Variants in VWA5B2 observed in about 807,000 individuals in gnomAD.
VWA5B2 encodes von Willebrand factor A domain-containing protein 5B2.
Under a neutral mutation model 118.5 loss-of-function variants are expected in VWA5B2, and 93 were observed. The observed-to-expected ratio is 0.79, with a 90% CI of 0.66 to 0.93. The LOEUF is 0.93. Ranked by LOEUF, VWA5B2 falls within the 40% of genes least tolerant of loss-of-function variation. The probability of loss-of-function intolerance (pLI) is 0.00; values close to 1 mark genes in which losing one functional copy is unlikely to be tolerated. For missense variants in VWA5B2, 1,546 were observed against 1,672.8 expected, an observed-to-expected ratio of 0.92 and a Z score of 1.32; for synonymous variants, 708 against 716.3, an observed-to-expected ratio of 0.99 and a Z score of 0.19.
Position 184,236,532 on chromosome 3 carries a change from T to G in VWA5B2, c.1402T>G (p.Trp468Gly), listed in dbSNP as rs1376858057. The change falls in exon 10 of 20, where the codon TGG becomes GGG. Residue 468 changes from tryptophan to glycine, a missense_variant. Trp to Gly is a radical substitution (Grantham distance 184). Coordinates refer to ENST00000691901, the MANE Select transcript of VWA5B2 (RefSeq NM_001390846.1). ...TTHRTLELMR[W>G]HRGTARCFSF... ...CCACCGAACCCTGGAGCTCATGAGG[T>G]GGCACAGGGGGACAGCCAGGTATGG... 1 of 1,550,198 alleles carries G rather than the reference T, an allele frequency of 6.5e-7. No individual in the cohort carries two copies. Among genetic ancestry groups the G allele is most frequent in the Admixed American group, 2.0e-5 (1 of 51,002 alleles).
rs962886934 is a variant in VWA5B2, at chr3:184,236,503, C to G, written c.1373C>G (p.Thr458Ser). Residue 458 changes from threonine to serine, a missense_variant, in exon 10 of 20, where the codon ACT becomes AGT. Physicochemically the swap from Thr to Ser is moderately conservative, Grantham distance 58 (BLOSUM62 1). This residue lies in a region of VWA5B2 where 775 missense variants were observed against 882.3 expected (regional missense o/e 0.88). Transcript: ENST00000691901. ...LLTAASPMAA[T>S]THRTLELMRW... is the part of the protein sequence containing the mutation. ...ACTGCTGCCTCACCCATGGCCGCCACTACCCACCGAACCCTGGAGCTCATG... is the reference window on the plus strand; with the variant it reads ...ACTGCTGCCTCACCCATGGCCGCCAGTACCCACCGAACCCTGGAGCTCATG... 2 of 1,548,294 alleles carry G rather than the reference C, an allele frequency of 1.3e-6. No homozygotes were observed. The highest frequency in any genetic ancestry group is 2.7e-5 in the African/African-American group (2 of 73,058).
intron 16 of VWA5B2, chr3:184,240,583 G>C (rs1433171015): frequency 4.6e-6 from 3 of 655,702 alleles, no homozygotes; most frequent in African/African-American, 3.6e-5. Context: ...GCAGCCAGGG[G>C]GCTCTTGCTC....
intron 3 of VWA5B2, among the ~76,000 whole-genome samples, chr3:184,231,831 T>G (rs1717426983): frequency 6.6e-6 from 1 of 152,076 alleles, no homozygotes; most frequent in South Asian, 2.1e-4. Context: ...AATCCAGTGG[T>G]GTTGAGAGCT....
rs924332493 is a variant in VWA5B2 at position 184,230,970 on chromosome 3, C to G, written c.310+53C>G. On this transcript the variant is annotated intron_variant, in intron 3 of 19. Transcript: ENST00000691901. ...TCCTGAAAGCCGGGCGCAGCTCAGG[C>G]TCCCGCATCCGCTCGGCCTCCGCCC... 1.4e-5 allele frequency: 17 copies of G among 1,206,982 alleles called. No homozygotes were observed. In the African/African-American group the frequency reaches 2.5e-4, roughly 18 times the overall value. 74.8% of individuals were successfully genotyped at this position (1,206,982 alleles called of 1,614,324 possible). A position where few individuals can be genotyped will look rare whatever the true frequency, so the allele number is the denominator to read the frequency against.
In VWA5B2 at chr3:184,239,645, C is replaced by T. The variant is rs1718356241; in HGVS notation, c.2393-44C>T. On this transcript the variant is annotated intron_variant, in intron 15 of 19. Coordinates refer to ENST00000691901, the MANE Select transcript of VWA5B2 (RefSeq NM_001390846.1). This position sits in a 1 kb window ranked among gnomAD's most constrained non-coding sequence, Gnocchi z 5.1. ...AAAGAGGCCTTGGGGAGGTAAAGCCCAGAGGACCACTCTGCCCATGCCCCT... is the reference window on the plus strand; with the variant it reads ...AAAGAGGCCTTGGGGAGGTAAAGCCTAGAGGACCACTCTGCCCATGCCCCT... 1 of 1,471,678 alleles carries T rather than the reference C, an allele frequency of 6.8e-7. No homozygotes were observed. The highest frequency in any genetic ancestry group is 9.1e-7 in the Non-Finnish European group (1 of 1,103,914). 91.2% of individuals were successfully genotyped at this position (1,471,678 alleles called of 1,614,324 possible).
chr3:184,230,856 C>A lies in VWA5B2; in HGVS notation c.249C>A (p.Ala83=). Residue 83 remains alanine (A), a synonymous_variant, in exon 3 of 20, where the codon GCC becomes GCA. Transcript: ENST00000691901. ...FQLQSRRRSQ[A]ACCRALGPGL... ...TGCAGAGCCGGCGCCGCTCGCAGGC[C>A]GCCTGCTGCCGCGCTCTGGGCCCGG... 2 of 1,241,910 alleles carry A rather than the reference C, an allele frequency of 1.6e-6. No individual in the cohort carries two copies. Among genetic ancestry groups the A allele is most frequent in the Non-Finnish European group, 2.0e-6 (2 of 993,636 alleles). 76.9% of individuals were successfully genotyped at this position (1,241,910 alleles called of 1,614,324 possible). A position where few individuals can be genotyped will look rare whatever the true frequency, so the allele number is the denominator to read the frequency against.
chr3:184,233,302 C>A lies in VWA5B2; in HGVS notation c.435C>A (p.Asp145Glu). ...GCCGGGAGCTGCCCTCAAGGCCTGA[C>A]GGGGTGCTGCATGTGGCCCTGCCCA... ...HSSRELPSRP[D>E]GVLHVALPTV... Residue 145 changes from aspartate to glutamate, a missense_variant, in exon 4 of 20, where the codon GAC becomes GAA. This residue lies in a region of VWA5B2 where 775 missense variants were observed against 882.3 expected (regional missense o/e 0.88). Transcript: ENST00000691901. The surrounding 1 kb of genome is among the most constrained non-coding windows in gnomAD (Gnocchi z 5.2). The A allele has an allele frequency of 6.5e-7, 1 of 1,537,292 alleles. No individual in the cohort carries two copies. Among genetic ancestry groups the A allele is most frequent in the East Asian group, 2.4e-5 (1 of 40,846 alleles).
intron 3 of VWA5B2, among the ~76,000 whole-genome samples, chr3:184,232,068 C>T (rs1278229799): frequency 6.6e-6 from 1 of 152,142 alleles, no homozygotes; most frequent in African/African-American, 2.4e-5. Flanking sequence ...TTACAGTTTA[C>T]AATCGCTAGT....
chr3:184,238,832 C>G lies in VWA5B2; in HGVS notation c.2161C>G (p.Arg721Gly), dbSNP rs543974000. The change falls in exon 14 of 20, where the codon CGC (arginine) becomes GGC (glycine). Residue 721 changes from arginine to glycine, a missense_variant. Around this residue, in one of 3 missense-constraint regions of VWA5B2, gnomAD observed 763 missense variants for 766.6 expected, o/e 1.00. Coordinates refer to ENST00000691901, the MANE Select transcript of VWA5B2 (RefSeq NM_001390846.1). This position sits in a 1 kb window ranked among gnomAD's most constrained non-coding sequence, Gnocchi z 5.0. ...SLAWGEPAGS[R>G]SCPLPAPTPA... Reference sequence around the variant, plus strand: ...GGCCTGGGGAGAACCTGCAGGCTCCCGCTCCTGTCCCCTGCCTGCACCCAC... The same window carrying G: ...GGCCTGGGGAGAACCTGCAGGCTCCGGCTCCTGTCCCCTGCCTGCACCCAC... 5.2e-6 allele frequency: 8 copies of G among 1,528,240 alleles called. No homozygotes were observed. The East Asian group carries it at 1.5e-4, about 28-fold the overall frequency. 94.7% of individuals were successfully genotyped at this position (1,528,240 alleles called of 1,614,324 possible).
rs1478624494 is a variant in VWA5B2 at position 184,236,265 on chromosome 3, G to A, written c.1212+3G>A. 7 of 1,551,798 alleles carry A rather than the reference G, an allele frequency of 4.5e-6. No homozygotes were observed. The highest frequency in any genetic ancestry group is 6.1e-6 in the Non-Finnish European group (7 of 1,147,002). On this transcript the variant is annotated splice_donor_region_variant and intron_variant, in intron 9 of 19. Transcript: ENST00000691901. The stretch of plus-strand genomic sequence containing the variant: ...CAGAGAGCCGGCCTTGCAGTGATGT[G>A]AGTGTGGTCCAGGGATCTGGGGGCC...
rs773771607 is a variant in VWA5B2 at position 184,233,856 on chromosome 3, T to G, written c.688+123T>G. 1.1e-4 allele frequency: 141 copies of G among 1,340,960 alleles called. No individual in the cohort carries two copies. The highest frequency in any genetic ancestry group is 1.3e-4 in the Non-Finnish European group (133 of 999,802). The allele number at this position is 1,340,960 out of a possible 1,614,324, so 83.1% of individuals were successfully genotyped here. A position where few individuals can be genotyped will look rare whatever the true frequency, so the allele number is the denominator to read the frequency against. ...GGACAAAAAGACAGGGACCCCAGCCTCCGGAACATCTGGGTTAGTGGTGGG... is the reference window on the plus strand; with the variant it reads ...GGACAAAAAGACAGGGACCCCAGCCGCCGGAACATCTGGGTTAGTGGTGGG... On this transcript the variant is annotated intron_variant, in intron 5 of 19. Coordinates refer to ENST00000691901, the MANE Select transcript of VWA5B2 (RefSeq NM_001390846.1). This position sits in a 1 kb window ranked among gnomAD's most constrained non-coding sequence, Gnocchi z 5.2.
rs1169030461 is a variant in VWA5B2 at position 184,240,801 on chromosome 3, G to T, written c.2751G>T (p.Arg917=). 2.6e-6 allele frequency: 4 copies of T among 1,551,090 alleles called. No homozygotes were observed. The highest frequency in any genetic ancestry group is 3.5e-6 in the Non-Finnish European group (4 of 1,146,976). ...AETTADRGHA[R]RCWLRALQTS... Reference sequence around the variant, plus strand: ...TCCTTGGTTCCACAGGCCATGCCCGGAGGTGCTGGCTTCGAGCCCTTCAGA... The same window carrying T: ...TCCTTGGTTCCACAGGCCATGCCCGTAGGTGCTGGCTTCGAGCCCTTCAGA... The change falls in exon 17 of 20, where the codon CGG becomes CGT. Residue 917 remains arginine, a synonymous_variant. Transcript: ENST00000691901.
In VWA5B2 at chr3:184,230,561, G is replaced by A. The variant is rs1717275723; in HGVS notation, c.33G>A (p.Thr11=). 1.1e-5 allele frequency: 16 copies of A among 1,479,758 alleles called. No homozygotes were observed. The highest frequency in any genetic ancestry group is 1.3e-5 in the Non-Finnish European group (15 of 1,123,218). 91.7% of individuals were successfully genotyped at this position (1,479,758 alleles called of 1,614,324 possible). A position where few individuals can be genotyped will look rare whatever the true frequency, so the allele number is the denominator to read the frequency against. Residue 11 remains threonine, a synonymous_variant, in exon 2 of 20, where the codon ACG becomes ACA. Coordinates refer to ENST00000691901, the MANE Select transcript of VWA5B2 (RefSeq NM_001390846.1). MPGLYCPSSW[T]PLPLTDSWVR... ...GCCTGTACTGCCCCTCCAGCTGGAC[G>A]CCGCTGCCGCTCACGGACTCCTGGG...
chr3:184,239,958 C>T lies in VWA5B2; in HGVS notation c.2662C>T (p.Arg888Trp), dbSNP rs1006124086. 8 of 1,550,900 alleles carry T rather than the reference C, an allele frequency of 5.2e-6. No individual in the cohort carries two copies. Among genetic ancestry groups the T allele is most frequent in the South Asian group, 2.4e-5 (2 of 84,058 alleles). The change falls in exon 16 of 20, where the codon CGG becomes TGG. Residue 888 changes from arginine to tryptophan, a missense_variant. By Grantham distance (101) the Arg-to-Trp change is moderately radical. This residue lies in a region of VWA5B2 where 763 missense variants were observed against 766.6 expected (regional missense o/e 1.00). Transcript: ENST00000691901. This position sits in a 1 kb window ranked among gnomAD's most constrained non-coding sequence, Gnocchi z 5.1. ...AGCTGCTTGGGACCAAGCACTCCAT[C>T]GGCTGACAGCAGCCTCTGTGGTCCG... ...REAAWDQALHRLTAASVVRDN... is the reference protein window; with the variant it reads ...REAAWDQALHWLTAASVVRDN...
rs746947709 is a variant in VWA5B2, at chr3:184,242,028, C to A, written c.3719C>A (p.Ala1240Glu). ...LQLHLLCYSP[A>E]NV ...CTACACCTGCTGTGCTACAGCCCAGCGAACGTGTGAAGGCTGCCCCCTGCT... is the reference window on the plus strand; with the variant it reads ...CTACACCTGCTGTGCTACAGCCCAGAGAACGTGTGAAGGCTGCCCCCTGCT... The change falls in exon 20 of 20, where the codon GCG becomes GAG. Residue 1240 changes from alanine to glutamate, a missense_variant. Ala to Glu is a moderately radical substitution (Grantham distance 107). This residue lies in a region of VWA5B2 where 763 missense variants were observed against 766.6 expected (regional missense o/e 1.00). Coordinates refer to ENST00000691901, the MANE Select transcript of VWA5B2 (RefSeq NM_001390846.1). 4.3e-5 allele frequency: 67 copies of A among 1,549,460 alleles called. No homozygotes were observed. The highest frequency in any genetic ancestry group is 5.8e-5 in the Non-Finnish European group (67 of 1,146,960).
Position 184,241,681 on chromosome 3 carries a change from C to G in VWA5B2, c.3372C>G (p.Ala1124=). ...PGVGQGDSAT[A]SCSPSPSSGS... ...TTGGCCAGGGTGACAGTGCCACGGC[C>G]TCCTGCAGCCCGTCCCCCAGCTCGG... The change falls in exon 20 of 20, where the codon GCC becomes GCG. Residue 1124 remains alanine (A), a synonymous_variant. Coordinates refer to ENST00000691901, the MANE Select transcript of VWA5B2 (RefSeq NM_001390846.1). The surrounding 1 kb of genome is among the most constrained non-coding windows in gnomAD (Gnocchi z 5.1). The G allele has an allele frequency of 6.6e-7, 1 of 1,522,664 alleles. No homozygotes were observed. The highest frequency in any genetic ancestry group is 2.5e-5 in the East Asian group (1 of 40,514). 94.3% of individuals were successfully genotyped at this position (1,522,664 alleles called of 1,614,324 possible). A position where few individuals can be genotyped will look rare whatever the true frequency, so the allele number is the denominator to read the frequency against.
In VWA5B2 at chr3:184,237,962, G is replaced by A. The variant is rs1340925436; in HGVS notation, c.1720-341G>A. ...AGTGAGTACTCCTGGCAGAACACTT[G>A]ACACAGTAGGAGCTGGGGACATGGT... On this transcript the variant is annotated intron_variant, in intron 12 of 19. Transcript: ENST00000691901. This position sits in a 1 kb window ranked among gnomAD's most constrained non-coding sequence, Gnocchi z 5.6. Among the ~76,000 whole-genome samples the A allele has an allele frequency of 1.3e-5, 2 of 152,328 alleles. No individual in the cohort carries two copies. The highest frequency in any genetic ancestry group is 2.4e-5 in the African/African-American group (1 of 41,568).
chr3:184,238,629 G>C lies in VWA5B2; in HGVS notation c.1958G>C (p.Arg653Pro). 6.4e-7 allele frequency: 1 copy of C among 1,551,966 alleles called. No homozygotes were observed. The highest frequency in any genetic ancestry group is 2.0e-5 in the Admixed American group (1 of 51,006). ...AACCCCTCTGACACAGCCATATGGC[G>C]CCGCATCTTTCAGTCCTCGTACATT... is the stretch of plus-strand genomic sequence containing the variant. ...GPNPSDTAIW[R>P]RIFQSSYIRE... Residue 653 changes from arginine (R) to proline (P), a missense_variant, in exon 14 of 20, where the codon CGC (arginine) becomes CCC (proline). Around this residue, in one of 3 missense-constraint regions of VWA5B2, gnomAD observed 775 missense variants for 882.3 expected, o/e 0.88. Transcript: ENST00000691901. This position sits in a 1 kb window ranked among gnomAD's most constrained non-coding sequence, Gnocchi z 5.0.
chr3:184,231,642 T>C (rs1312101944), intron 3 of VWA5B2, among the ~76,000 whole-genome samples: 1 of 152,272 alleles, frequency 6.6e-6, no homozygotes, highest in South Asian at 2.1e-4. Flanking sequence ...CATCTCCAAA[T>C]CCCAGCACCT....
Sources: allele counts gnomAD v4.1 joint callset (sites outside exome capture counted in the v4.1 genomes callset), GRCh38; gene constraint gnomAD v4.1.1; regional missense constraint gnomAD v4.1.1; non-coding constraint Gnocchi (gnomAD v3.1); transcripts MANE v1.5; gene names NCBI Gene and HGNC (gene_info 2026-07-23, HGNC 2026-07-21).